Variants in NCALD observed in about 807,000 individuals in gnomAD.
NCALD encodes neurocalcin-delta.
In NCALD, 10 loss-of-function variants were observed where a neutral mutation model predicts 18.6. The ratio of observed to expected loss-of-function variants is 0.54; its 90% confidence interval spans 0.33 to 0.91. The LOEUF (loss-of-function observed/expected upper bound fraction) is 0.91, where lower values mean the gene tolerates loss of function less well. NCALD is among the 40% of genes least tolerant of loss of function. The pLI, the probability that NCALD is intolerant of heterozygous loss-of-function variation, is 0.03. For synonymous variants in NCALD, 88 were observed against 87.4 expected, an observed-to-expected ratio of 1.01 and a Z score of -0.04; for missense variants, 184 against 247.6, an observed-to-expected ratio of 0.74 and a Z score of 1.72.
chr8:101,840,405 A>G (rs1341816067), intron 4 of NCALD, among the ~76,000 whole-genome samples: 1 of 152,222 alleles, frequency 6.6e-6, no homozygotes. Flanking sequence ...GTCTTGTAAT[A>G]TATAGCCTGA....
chr8:102,017,586 T>C (rs935797441), intron 2 of NCALD, among the ~76,000 whole-genome samples: 1 of 152,100 alleles, frequency 6.6e-6, no homozygotes, highest in Non-Finnish European at 1.5e-5. Context: ...TCCCAGCTAC[T>C]CGGGAGGCTG....
rs764727493 is a variant in NCALD, at chr8:101,840,883, C to T, written c.-20+46258G>A. On this transcript the variant is annotated intron_variant, in intron 4 of 6. Transcript: ENST00000311028. ...ATCATTGATTCGAATACTTGAAGAG[C>T]TACTGTTTGAAATTATTAAATTTAA... is the stretch of plus-strand genomic sequence containing the variant. 2.0e-5 allele frequency among the ~76,000 whole-genome samples: 3 copies of T among 152,102 alleles called. No individual in the cohort carries two copies. The East Asian group carries it at 5.8e-4, about 29-fold the overall frequency.
chr8:101,870,909 C>CCA (rs1554649158), intron 4 of NCALD, among the ~76,000 whole-genome samples: 5,353 of 81,326 alleles, frequency 0.066, 491 homozygotes, highest in East Asian at 0.15. Flanking sequence ...CCCCCCCCCC[C>CCA]AAAAAAAGAG....
intron 4 of NCALD, among the ~76,000 whole-genome samples, chr8:101,834,787 C>T (rs1441768910): frequency 1.1e-4 from 16 of 152,218 alleles, no homozygotes. Flanking sequence ...GAACTTAAGA[C>T]ACTTTATCAA....
At position 101,692,909 on chromosome 8, in the gene NCALD, G is replaced by C. The variant is rs1460840637; in HGVS notation, c.379-13C>G. 1.9e-6 allele frequency: 3 copies of C among 1,584,700 alleles called. No homozygotes were observed. Among genetic ancestry groups the C allele is most frequent in the Non-Finnish European group, 2.6e-6 (3 of 1,153,462 alleles). ...TCTTATAGATTGCCTGGGGACAGAA[G>C]CGACATGGTGGTAAGACAGAAAAAC... On this transcript the variant is annotated splice_polypyrimidine_tract_variant and intron_variant, in intron 2 of 3. Transcript: ENST00000220931.
chr8:101,842,409 C>T (rs1814683132), intron 4 of NCALD, among the ~76,000 whole-genome samples: 1 of 152,192 alleles, frequency 6.6e-6, no homozygotes, highest in African/African-American at 2.4e-5. Context: ...ATTTCCTCTG[C>T]AAGTGATAGA....
intron 1 of NCALD, among the ~76,000 whole-genome samples, chr8:101,742,433 T>C (rs937927511): frequency 6.6e-6 from 1 of 152,178 alleles, no homozygotes; most frequent in Admixed American, 6.5e-5. Flanking sequence ...TAATCCTGAG[T>C]CAATTGCTTA....
chr8:101,808,253 A>T (rs8181025), intron 4 of NCALD, among the ~76,000 whole-genome samples: 2 of 151,924 alleles, frequency 1.3e-5, no homozygotes, highest in African/African-American at 2.4e-5. Flanking sequence ...AATACTTTCC[A>T]GTAACAGTGA....
chr8:101,974,527 G>A (rs190793145), intron 2 of NCALD, among the ~76,000 whole-genome samples: 1 of 152,288 alleles, frequency 6.6e-6, no homozygotes, highest in East Asian at 1.9e-4. Context: ...GCTCAAGCAT[G>A]TGGGATGTCA....
chr8:101,778,526 C>G (rs1811886569), intron 1 of NCALD, among the ~76,000 whole-genome samples: 1 of 151,620 alleles, frequency 6.6e-6, no homozygotes, highest in South Asian at 2.1e-4. Context: ...AGAGAAAAGT[C>G]TACATTCATA....
intron 1 of NCALD, among the ~76,000 whole-genome samples, chr8:101,720,894 C>G (rs916250338): frequency 6.6e-6 from 1 of 152,112 alleles, no homozygotes; most frequent in African/African-American, 2.4e-5. Context: ...GCCCCTTTTC[C>G]CTAAGGGCAC....
intron 2 of NCALD, among the ~76,000 whole-genome samples, chr8:102,011,890 C>A (rs1470784162): frequency 1.3e-5 from 2 of 152,074 alleles, no homozygotes; most frequent in African/African-American, 4.8e-5. Flanking sequence ...AAAGTTTCAC[C>A]AAATGGAAAT....
chr8:101,754,723 A>AG lies in NCALD; in HGVS notation c.-19-35076dup, dbSNP rs1810803109. On this transcript the variant is annotated intron_variant, in intron 1 of 3. Transcript: ENST00000220931. The stretch of plus-strand genomic sequence containing the variant: ...CTAACAGATGAGGGAATTGAAGCTC[A>AG]GGAGGGTTAAGTTCAAGGTCTCCAG... Among the ~76,000 whole-genome samples the AG allele has an allele frequency of 3.9e-5, 6 of 152,314 alleles. 1 individual carries two copies. The South Asian group carries it at 1.2e-3, about 32-fold the overall frequency.
At chr8:102,117,158 T>C (rs1459490534) in intron 1 of NCALD, among the ~76,000 whole-genome samples, 1 of 152,206 alleles carries the variant, frequency 6.6e-6, no homozygotes, top group Non-Finnish European at 1.5e-5. Flanking sequence ...AGGATAAATA[T>C]CTGTTGCATT....
intron 1 of NCALD, among the ~76,000 whole-genome samples, chr8:101,743,904 G>A (rs978264149): frequency 3.9e-5 from 6 of 152,162 alleles, no homozygotes; most frequent in Non-Finnish European, 8.8e-5. Context: ...GGATCCCTTC[G>A]GGCCAAGGCT....
chr8:102,060,144 C>T (rs1823792044), intron 1 of NCALD, among the ~76,000 whole-genome samples: 1 of 152,104 alleles, frequency 6.6e-6, no homozygotes, highest in Non-Finnish European at 1.5e-5. Context: ...CCATGCCTGG[C>T]TAATTTTTTT....
chr8:101,747,503 A>T (rs1810475296), intron 1 of NCALD, among the ~76,000 whole-genome samples: 1 of 152,164 alleles, frequency 6.6e-6, no homozygotes, highest in African/African-American at 2.4e-5. Flanking sequence ...TCATTGAGCC[A>T]CCAGTTGGGC....
intron 1 of NCALD, among the ~76,000 whole-genome samples, chr8:101,756,054 T>C (rs1261562787): frequency 1.3e-5 from 2 of 150,090 alleles, no homozygotes; most frequent in South Asian, 2.2e-4. Flanking sequence ...CTGCCAGAGA[T>C]TAAGTTTTTG....
At chr8:101,958,201 G>A (rs978279539) in intron 2 of NCALD, among the ~76,000 whole-genome samples, 13 of 151,996 alleles carry the variant, frequency 8.6e-5, no homozygotes, top group African/African-American at 2.7e-4. Context: ...ATTAACTTTT[G>A]GATCTCCATA....
Sources: gnomAD v4.1 joint callset for allele counts (sites outside exome capture counted in the v4.1 genomes callset) on GRCh38, gnomAD v4.1.1 for gene constraint, MANE v1.5 for transcripts, NCBI Gene and HGNC (gene_info 2026-07-23, HGNC 2026-07-21) for gene names.